The following CBX5 variants were observed in gnomAD, a reference collection of about 807,000 sequenced individuals.
The protein encoded by CBX5 is chromobox protein homolog 5.
A neutral mutation model predicts 20.7 loss-of-function variants in CBX5; 7 were observed. That is an observed-to-expected ratio of 0.34 (90% CI 0.19 to 0.63). The LOEUF is 0.63. Ranked by LOEUF, CBX5 falls within the 30% of genes least tolerant of loss-of-function variation. The pLI is 0.75. For missense variants in CBX5, 110 were observed against 224.1 expected, an observed-to-expected ratio of 0.49 and a Z score of 3.25; for synonymous variants, 78 against 77.0, an observed-to-expected ratio of 1.01 and a Z score of -0.07.
chr12:54,251,923 A>G, intron 3 of CBX5, 118 bp downstream of exon 3: 2 of 858,622 alleles, frequency 2.3e-6, no homozygotes, highest in Non-Finnish European at 1.7e-6. Flanking sequence ...TTTGTTCAAC[A>G]ATTTACCTTA....
rs1943644983 is a variant in CBX5, at chr12:54,238,469, T to C, written c.*3286A>G. 1 of 152,224 alleles carries C rather than the reference T, an allele frequency of 6.6e-6. No individual in the cohort carries two copies. Among genetic ancestry groups the C allele is most frequent in the Admixed American group, 6.5e-5 (1 of 15,282 alleles). The allele number at this position is 152,224 out of a possible 1,614,324, so 9.4% of individuals were successfully genotyped here. Reference sequence around the variant, plus strand: ...GTTAAATTTGAATCTGGATCCTATATAGCTTCTTCTCTGGGATCTACTGAG... The same window carrying C: ...GTTAAATTTGAATCTGGATCCTATACAGCTTCTTCTCTGGGATCTACTGAG... On this transcript the variant is annotated 3_prime_UTR_variant, in exon 5 of 5. Coordinates refer to ENST00000209875, the MANE Select transcript of CBX5 (RefSeq NM_012117.3).
rs1405738258 is a variant in CBX5, at chr12:54,240,965, T to C, written c.*790A>G. 6.6e-6 allele frequency: 1 copy of C among 152,234 alleles called. No homozygotes were observed. Among genetic ancestry groups the C allele is most frequent in the African/African-American group, 2.4e-5 (1 of 41,448 alleles). 9.4% of individuals were successfully genotyped at this position (152,234 alleles called of 1,614,324 possible). ...AAGACAATTGTACCCTACCCCATCA[T>C]CCTCATGTACTATAGCTACAAATCT... On this transcript the variant is annotated 3_prime_UTR_variant, in exon 5 of 5. Transcript: ENST00000209875.
intron 3 of CBX5, 65 bp downstream of exon 3, chr12:54,251,976 T>C (rs561690178): frequency 7.4e-6 from 10 of 1,349,334 alleles, no homozygotes; most frequent in Admixed American, 2.5e-5. Flanking sequence ...TATGATACTT[T>C]TATTTATTAT....
At chr12:54,263,396 A>G (rs1943928902) in intron 1 of CBX5, among the ~76,000 whole-genome samples, 1 of 151,692 alleles carries the variant, frequency 6.6e-6, no homozygotes, top group East Asian at 1.9e-4. Context: ...ATCAGTCCTC[A>G]GCAATTACAG....
At position 54,238,694 on chromosome 12, in the gene CBX5, A is replaced by C. The variant is rs1050521650; in HGVS notation, c.*3061T>G. 2.7e-4 allele frequency: 41 copies of C among 152,190 alleles called. No individual in the cohort carries two copies. Among genetic ancestry groups the C allele is most frequent in the African/African-American group, 9.9e-4 (41 of 41,434 alleles). The allele number at this position is 152,190 out of a possible 1,614,324, so 9.4% of individuals were successfully genotyped here. A position where few individuals can be genotyped will look rare whatever the true frequency, so the allele number is the denominator to read the frequency against. ...TCCCATGTAGGCTGATTTTCCCGGC[A>C]TTTGATCTTAACTTGAAGGCCATCT... On this transcript the variant is annotated 3_prime_UTR_variant, in exon 5 of 5. Coordinates refer to ENST00000209875, the MANE Select transcript of CBX5 (RefSeq NM_012117.3).
At position 54,236,061 on chromosome 12, in the gene CBX5, T is replaced by C. The variant is rs1297621761; in HGVS notation, c.*5694A>G. 1 of 152,220 alleles carries C rather than the reference T, an allele frequency of 6.6e-6. No individual in the cohort carries two copies. Among genetic ancestry groups the C allele is most frequent in the Non-Finnish European group, 1.5e-5 (1 of 68,042 alleles). The allele number at this position is 152,220 out of a possible 1,614,324, so 9.4% of individuals were successfully genotyped here. A position where few individuals can be genotyped will look rare whatever the true frequency, so the allele number is the denominator to read the frequency against. ...ATTTATTTCCTGGAATATGTTCTTGTGTTCTATGGCCAGCTGGCTCAGTTC... is the reference window on the plus strand; with the variant it reads ...ATTTATTTCCTGGAATATGTTCTTGCGTTCTATGGCCAGCTGGCTCAGTTC... On this transcript the variant is annotated 3_prime_UTR_variant, in exon 5 of 5. Coordinates refer to ENST00000209875, the MANE Select transcript of CBX5 (RefSeq NM_012117.3).
At position 54,267,605 on chromosome 12, in the gene CBX5, G is replaced by C. The variant is rs376973723; in HGVS notation, c.-42-9913C>G. On this transcript the variant is annotated intron_variant, in intron 1 of 4. Coordinates refer to ENST00000209875, the MANE Select transcript of CBX5 (RefSeq NM_012117.3). The stretch of plus-strand genomic sequence containing the variant: ...CGGCTCACTGCAAGCTCCATGTTCC[G>C]GGTTCATGCCATTCTCCTGCCTCAG... 8.4e-4 allele frequency among the ~76,000 whole-genome samples: 128 copies of C among 151,700 alleles called. 1 individual carries two copies. The highest frequency in any genetic ancestry group is 2.9e-3 in the African/African-American group (121 of 41,374).
At chr12:54,248,103 A>G (rs1305360119) in intron 3 of CBX5, among the ~76,000 whole-genome samples, 1 of 152,036 alleles carries the variant, frequency 6.6e-6, no homozygotes, top group African/African-American at 2.4e-5. Context: ...TCGGCCTCCC[A>G]AAGTGCTGAG....
chr12:54,235,977 A>C lies in CBX5; in HGVS notation c.*5778T>G, dbSNP rs192074803. ...CCAGGGATGAAAATCAGGAGTTCTC[A>C]ATCCCAACTCACCTGTTTTCTCTCT... On this transcript the variant is annotated 3_prime_UTR_variant, in exon 5 of 5. Coordinates refer to ENST00000209875, the MANE Select transcript of CBX5 (RefSeq NM_012117.3). 6.6e-6 allele frequency: 1 copy of C among 152,332 alleles called. No individual in the cohort carries two copies. Among genetic ancestry groups the C allele is most frequent in the Admixed American group, 6.5e-5 (1 of 15,306 alleles). 9.4% of individuals were successfully genotyped at this position (152,332 alleles called of 1,614,324 possible).
chr12:54,245,265 C>T (rs543757060), intron 4 of CBX5, among the ~76,000 whole-genome samples: 8 of 152,098 alleles, frequency 5.3e-5, no homozygotes, highest in African/African-American at 1.9e-4. Flanking sequence ...CCTGCCTTGG[C>T]CACCCAAAGT....
intron 1 of CBX5, among the ~76,000 whole-genome samples, chr12:54,258,919 T>C (rs1943887814): frequency 6.6e-6 from 1 of 152,178 alleles, no homozygotes; most frequent in South Asian, 2.1e-4. Flanking sequence ...AAAGTGGCAA[T>C]TATCAATTCA....
chr12:54,245,024 T>C lies in CBX5; in HGVS notation c.425+1091A>G, dbSNP rs554327821. ...TATATATATTTATTATTATTTTTTT[T>C]TTTTAGAGACGGAGTCTTGCTCTGT... On this transcript the variant is annotated intron_variant, in intron 4 of 4. Transcript: ENST00000209875. 2.7e-4 allele frequency among the ~76,000 whole-genome samples: 41 copies of C among 151,408 alleles called. 1 individual carries two copies. Among genetic ancestry groups the C allele is most frequent in the South Asian group, 1.2e-3 (6 of 4,808 alleles).
At chr12:54,272,368 CA>C (rs1358216714) in intron 1 of CBX5, 3 of 152,026 alleles carry the variant, frequency 2.0e-5, no homozygotes. Flanking sequence ...AGCAATGAAA[CA>C]GGATGGAACA....
rs1943583241 is a variant in CBX5 at position 54,232,973 on chromosome 12, G to C, written c.*8782C>G. ...AATAAGAACCTTTTCCCCAGTGGTG[G>C]TTCTTGGTAGCGCTCTTATAAAGCT... On this transcript the variant is annotated 3_prime_UTR_variant, in exon 5 of 5. Coordinates refer to ENST00000209875, the MANE Select transcript of CBX5 (RefSeq NM_012117.3). The C allele has an allele frequency of 6.7e-6, 1 of 148,730 alleles. No homozygotes were observed. The highest frequency in any genetic ancestry group is 2.1e-4 in the South Asian group (1 of 4,806). 9.2% of individuals were successfully genotyped at this position (148,730 alleles called of 1,614,324 possible).
At chr12:54,251,351 T>C (rs1411330988) in intron 3 of CBX5, among the ~76,000 whole-genome samples, 2 of 151,070 alleles carry the variant, frequency 1.3e-5, no homozygotes, top group Admixed American at 6.6e-5. Flanking sequence ...ACCCCGTCTC[T>C]ACTAAAAATA....
In CBX5 at chr12:54,241,260, G is replaced by A. The variant is rs1434806000; in HGVS notation, c.*495C>T. On this transcript the variant is annotated 3_prime_UTR_variant, in exon 5 of 5. Coordinates refer to ENST00000209875, the MANE Select transcript of CBX5 (RefSeq NM_012117.3). ...AAGGTTGGGAAAGCCCCAACAGGTAGGCAGTTGCTATTGGCTTTTTAACAG... is the reference window on the plus strand; with the variant it reads ...AAGGTTGGGAAAGCCCCAACAGGTAAGCAGTTGCTATTGGCTTTTTAACAG... The A allele has an allele frequency of 6.6e-6, 1 of 152,524 alleles. No individual in the cohort carries two copies. Among genetic ancestry groups the A allele is most frequent in the Non-Finnish European group, 1.5e-5 (1 of 68,352 alleles). The allele number at this position is 152,524 out of a possible 1,614,324, so 9.4% of individuals were successfully genotyped here.
intron 1 of CBX5, among the ~76,000 whole-genome samples, chr12:54,277,675 A>T (rs1221348473): frequency 6.6e-6 from 1 of 152,194 alleles, no homozygotes; most frequent in Admixed American, 6.5e-5. Context: ...TCCTTTTATT[A>T]AATGGAACAA....
intron 2 of CBX5, among the ~76,000 whole-genome samples, chr12:54,254,347 A>C (rs1037270912): frequency 1.3e-5 from 2 of 151,674 alleles, no homozygotes; most frequent in African/African-American, 4.8e-5. Context: ...AAAAAAAAAA[A>C]AAAAAAGGTT....
chr12:54,267,677 A>C (rs562238303), intron 1 of CBX5, among the ~76,000 whole-genome samples: 1 of 152,018 alleles, frequency 6.6e-6, no homozygotes, highest in South Asian at 2.1e-4. Flanking sequence ...ACGCCCGGCT[A>C]ATTTTTTTTG....
Sources: allele counts gnomAD v4.1 joint callset (sites outside exome capture counted in the v4.1 genomes callset), GRCh38; gene constraint gnomAD v4.1.1; transcripts MANE v1.5; gene names NCBI Gene and HGNC (gene_info 2026-07-23, HGNC 2026-07-21).